The following KIFAP3 variants were observed in gnomAD, a reference collection of about 807,000 sequenced individuals.
The protein encoded by KIFAP3 is kinesin associated protein 3.
Under a neutral mutation model 106.5 loss-of-function variants are expected in KIFAP3, and 68 were observed. That is an observed-to-expected ratio of 0.64 (90% confidence interval 0.53 to 0.78). The LOEUF is 0.78. Among genes scored for constraint, KIFAP3 ranks in the 30% least tolerant of loss-of-function variants. The probability of loss-of-function intolerance (pLI) is 0.00; values close to 1 mark genes in which losing one functional copy is unlikely to be tolerated. For synonymous variants in KIFAP3, 320 were observed against 311.5 expected, an observed-to-expected ratio of 1.03 and a Z score of -0.29; for missense variants, 780 against 941.8, an observed-to-expected ratio of 0.83 and a Z score of 2.25.
At chr1:170,052,014 T>A (rs1242098087) in intron 2 of KIFAP3, among the ~76,000 whole-genome samples, 2 of 149,872 alleles carry the variant, frequency 1.3e-5, no homozygotes, top group South Asian at 2.1e-4. Flanking sequence ...ATGAAGGAGA[T>A]AAAGACACAA....
At chr1:170,003,788 G>C (rs1000481974) in intron 10 of KIFAP3, among the ~76,000 whole-genome samples, 6 of 152,170 alleles carry the variant, frequency 3.9e-5, no homozygotes, top group Admixed American at 3.3e-4. Context: ...CATTCCCTTT[G>C]AAAACTGGCA....
chr1:170,004,190 C>A (rs1307763754), intron 10 of KIFAP3, among the ~76,000 whole-genome samples: 1 of 150,448 alleles, frequency 6.6e-6, no homozygotes, highest in Non-Finnish European at 1.5e-5. Context: ...CAAACCACTG[C>A]TCAGTGAAAT....
intron 10 of KIFAP3, among the ~76,000 whole-genome samples, chr1:169,996,636 A>G (rs1667384060): frequency 6.6e-6 from 1 of 152,210 alleles, no homozygotes; most frequent in Non-Finnish European, 1.5e-5. Flanking sequence ...AAGCTCATGC[A>G]TGTACTTTTA....
chr1:170,034,379 C>G lies in KIFAP3; in HGVS notation c.735G>C (p.Lys245Asn). 6.2e-7 allele frequency: 1 copy of G among 1,605,604 alleles called. No homozygotes were observed. Among genetic ancestry groups the G allele is most frequent in the Non-Finnish European group, 8.5e-7 (1 of 1,176,372 alleles). ...ELWQEELSKK[K>N]KAVDEDPENQ... Reference sequence around the variant, plus strand: ...GCCACTCTAAAAGGATATCAGCTTTCTTCTTCTTTGAGAGTTCTTCTTGCC... The same window carrying G: ...GCCACTCTAAAAGGATATCAGCTTTGTTCTTCTTTGAGAGTTCTTCTTGCC... Residue 245 changes from lysine to asparagine, a missense_variant, in exon 7 of 20, where the codon AAG (lysine) becomes AAC (asparagine). Lys to Asn is a moderately conservative substitution (Grantham distance 94). Coordinates refer to ENST00000361580, the MANE Select transcript of KIFAP3 (RefSeq NM_014970.4).
intron 8 of KIFAP3, 47 bp downstream of exon 8, chr1:170,031,839 T>C (rs1669426635): frequency 3.4e-6 from 4 of 1,165,540 alleles, no homozygotes; most frequent in Middle Eastern, 1.9e-4. Context: ...ACAAATGTAT[T>C]TGGAGTAAGT....
At chr1:170,043,830 T>C (rs1420179762) in intron 3 of KIFAP3, among the ~76,000 whole-genome samples, 2 of 152,180 alleles carry the variant, frequency 1.3e-5, no homozygotes, top group Admixed American at 6.5e-5. Context: ...TGGAAATTGA[T>C]GGGGTTGAAA....
chr1:169,957,996 C>G (rs1208312746), intron 18 of KIFAP3: 2 of 152,158 alleles, frequency 1.3e-5, no homozygotes, highest in African/African-American at 4.8e-5. Context: ...AGTGGCTGTT[C>G]ACAGGCATGA....
intron 17 of KIFAP3, among the ~76,000 whole-genome samples, chr1:169,966,628 A>G (rs1229465035): frequency 6.6e-6 from 1 of 151,836 alleles, no homozygotes; most frequent in Admixed American, 6.6e-5. Context: ...TACAGGAAAA[A>G]TGCCTATAAA....
At chr1:169,967,711 G>A (rs1665698245) in intron 17 of KIFAP3, among the ~76,000 whole-genome samples, 1 of 151,864 alleles carries the variant, frequency 6.6e-6, no homozygotes, top group Admixed American at 6.6e-5. Context: ...TCATAAAGCT[G>A]TTGAAATAAC....
intron 16 of KIFAP3, among the ~76,000 whole-genome samples, chr1:169,974,286 C>T (rs1313201568): frequency 6.6e-6 from 1 of 151,854 alleles, no homozygotes; most frequent in Non-Finnish European, 1.5e-5. Context: ...TTAGTTAAAA[C>T]AATTTGAAAA....
At chr1:170,045,402 A>G (rs1670189900) in intron 3 of KIFAP3, among the ~76,000 whole-genome samples, 1 of 152,172 alleles carries the variant, frequency 6.6e-6, no homozygotes, top group Non-Finnish European at 1.5e-5. Flanking sequence ...TAAGGCTTTT[A>G]AAAAGTCTAA....
chr1:169,982,721 G>T lies in KIFAP3; in HGVS notation c.1653C>A (p.Leu551=). ...VLKEYKLVPY[L]KDKLKPGAAE... ...ACAAACCTGGTTTTAGTTTATCCTT[G>T]AGGTATGGAACCAACTTATATTCTT... The change falls in exon 14 of 20, where the codon CTC becomes CTA. Residue 551 remains leucine, a synonymous_variant. Coordinates refer to ENST00000361580, the MANE Select transcript of KIFAP3 (RefSeq NM_014970.4). 6.2e-7 allele frequency: 1 copy of T among 1,600,838 alleles called. No homozygotes were observed. Among genetic ancestry groups the T allele is most frequent in the Non-Finnish European group, 8.5e-7 (1 of 1,173,602 alleles).
chr1:170,080,644 CT>C (rs771485606), intron 1 of KIFAP3, among the ~76,000 whole-genome samples: 1 of 152,056 alleles, frequency 6.6e-6, no homozygotes, highest in Non-Finnish European at 1.5e-5. Context: ...TTTCTTAAAA[CT>C]TTTTAAAATT....
At chr1:170,041,843 G>A in intron 3 of KIFAP3, 2 of 1,426,738 alleles carry the variant, frequency 1.4e-6, no homozygotes, top group Non-Finnish European at 1.9e-6. Flanking sequence ...TTCCCAATCT[G>A]TAAAAAGGGC....
intron 12 of KIFAP3, among the ~76,000 whole-genome samples, chr1:169,984,151 TA>T (rs1666668439): frequency 6.6e-6 from 1 of 151,806 alleles, no homozygotes; most frequent in African/African-American, 2.4e-5. Context: ...TTGTGCTTTT[TA>T]TAACAAACAC....
intron 10 of KIFAP3, among the ~76,000 whole-genome samples, chr1:170,005,641 G>A (rs1667913249): frequency 6.8e-6 from 1 of 147,190 alleles, no homozygotes; most frequent in Admixed American, 6.9e-5. Context: ...CTCACTCATA[G>A]GTGGGAATTG....
intron 2 of KIFAP3, among the ~76,000 whole-genome samples, chr1:170,048,062 T>C (rs1220714424): frequency 4.6e-5 from 7 of 152,174 alleles, no homozygotes; most frequent in Non-Finnish European, 7.3e-5. Context: ...CTCAGAGCAA[T>C]GTCCTGTAAG....
intron 19 of KIFAP3, among the ~76,000 whole-genome samples, chr1:169,940,911 ATGTGTGTGTGTG>A (rs3838394): frequency 0.078 from 11,490 of 148,056 alleles, 857 homozygotes; most frequent in African/African-American, 0.19. Flanking sequence ...TTTAAGAATT[ATGTGTGTGTGTG>A]TGTGTGTGTG....
Position 169,962,082 on chromosome 1 carries a change from T to C in KIFAP3, c.1984-847A>G, listed in dbSNP as rs140163393. 6.2e-3 allele frequency among the ~76,000 whole-genome samples: 946 copies of C among 152,286 alleles called. 8 individuals are homozygous for C. Among genetic ancestry groups the C allele is most frequent in the African/African-American group, 0.02 (838 of 41,566 alleles). On this transcript the variant is annotated intron_variant, in intron 17 of 19. Transcript: ENST00000361580. ...TTAGTCTAGATAACACTGGGGGAAG[T>C]ACTGTTAAAGTATTGTTTTAGCTGC...
Sources: gnomAD v4.1 joint callset for allele counts (sites outside exome capture counted in the v4.1 genomes callset) on GRCh38, gnomAD v4.1.1 for gene constraint, MANE v1.5 for transcripts, NCBI Gene and HGNC (gene_info 2026-07-23, HGNC 2026-07-21) for gene names.